WDFY4: variants seen among roughly 807,000 people sequenced by gnomAD.
WDFY4 encodes WD repeat- and FYVE domain-containing protein 4.
WDFY4 carries 169 observed loss-of-function variants against 351.9 expected under a neutral mutation model. The observed-to-expected ratio is 0.48, with a 90% CI of 0.42 to 0.55. The LOEUF (loss-of-function observed/expected upper bound fraction) is 0.55, where lower values mean the gene tolerates loss of function less well. Ranked by LOEUF, WDFY4 falls within the 20% of genes least tolerant of loss-of-function variation. The pLI is 0.00. For synonymous variants in WDFY4, 1,622 were observed against 1,574.6 expected (o/e 1.03, Z -0.71); for missense variants, 3,803 against 3,935.6 (o/e 0.97, Z 0.90).
chr10:48,962,737 T>C (rs759647183), intron 53 of WDFY4, among the ~76,000 whole-genome samples: 11 of 152,218 alleles, frequency 7.2e-5, no homozygotes, highest in Non-Finnish European at 1.3e-4. Context: ...GGTTTACTTC[T>C]CACTTAAAGG....
chr10:48,889,585 T>C (rs987190007), intron 43 of WDFY4, among the ~76,000 whole-genome samples: 1 of 152,198 alleles, frequency 6.6e-6, no homozygotes, highest in Admixed American at 6.5e-5. Context: ...GGCCTCGGCC[T>C]TATTCTTGGT....
chr10:48,899,845 C>G (rs1387125946), intron 45 of WDFY4, among the ~76,000 whole-genome samples: 1 of 152,144 alleles, frequency 6.6e-6, no homozygotes, highest in African/African-American at 2.4e-5. Context: ...ACGCACTGAA[C>G]TAGATTCCCT....
rs376944376 is a variant in WDFY4 at position 48,725,963 on chromosome 10, C to T, written c.674C>T (p.Thr225Met). ...GAGCTGCAGTCTCTGCTGATTGCCA[C>T]GACCTGCCTTCGGGAGCACAGCTGC... ...GSELQSLLIATTCLREHSCCF... is the reference protein window; with the variant it reads ...GSELQSLLIAMTCLREHSCCF... The change falls in exon 6 of 62, where the codon ACG (threonine) becomes ATG (methionine). Residue 225 changes from threonine (T) to methionine (M), a missense_variant. Around this residue, in one of 3 missense-constraint regions of WDFY4, gnomAD observed 488 missense variants for 456.8 expected, o/e 1.07. Coordinates refer to ENST00000325239, the MANE Select transcript of WDFY4 (RefSeq NM_001394531.1). The T allele has an allele frequency of 5.2e-5, 80 of 1,551,752 alleles. No individual in the cohort carries two copies. The highest frequency in any genetic ancestry group is 2.9e-4 in the South Asian group (24 of 84,062).
Position 48,890,781 on chromosome 10 carries a change from C to T in WDFY4, c.7316+54C>T, listed in dbSNP as rs1249766927. On this transcript the variant is annotated intron_variant, in intron 44 of 61. Transcript: ENST00000325239. ...CTTCCCTGAGCCCCATTCATCCTTA[C>T]CAGCCGCCCCCACTATTCCCCTTCT... The T allele has an allele frequency of 5.8e-6, 9 of 1,545,248 alleles. No individual in the cohort carries two copies. The South Asian group carries it at 7.2e-5, about 12-fold the overall frequency.
intron 6 of WDFY4, among the ~76,000 whole-genome samples, chr10:48,726,306 G>A (rs2064266309): frequency 1.3e-5 from 2 of 152,226 alleles, no homozygotes; most frequent in Admixed American, 1.3e-4. Context: ...CTCCATTGGA[G>A]AAAGCAGGGA....
intron 1 of WDFY4, among the ~76,000 whole-genome samples, chr10:48,703,008 G>C (rs1412776677): frequency 1.3e-5 from 2 of 152,298 alleles, no homozygotes; most frequent in East Asian, 3.9e-4. Context: ...AGTGTCAGCT[G>C]TGCAGGTAGA....
At position 48,974,921 on chromosome 10, in the gene WDFY4, C is replaced by T; in HGVS notation, c.8988C>T (p.Leu2996=). 1 of 1,551,620 alleles carries T rather than the reference C, an allele frequency of 6.4e-7. No individual in the cohort carries two copies. Among genetic ancestry groups the T allele is most frequent in the Non-Finnish European group, 8.7e-7 (1 of 1,146,974 alleles). ...TCLAASVTFS[L]LVSGSQDCTC... is the part of the protein sequence containing the mutation. ...TGGCAGCGTCAGTCACCTTCAGCCT[C>T]CTGGTGAGCGGCTCCCAGGACTGCA... Residue 2996 remains leucine (L), a synonymous_variant, in exon 58 of 62, where the codon CTC becomes CTT. Coordinates refer to ENST00000325239, the MANE Select transcript of WDFY4 (RefSeq NM_001394531.1).
chr10:48,949,457 T>C (rs1208337431), intron 51 of WDFY4, among the ~76,000 whole-genome samples: 2 of 152,192 alleles, frequency 1.3e-5, no homozygotes, highest in Non-Finnish European at 2.9e-5. Context: ...TCCTTAAGAA[T>C]ATTCTGGCAT....
Position 48,921,108 on chromosome 10 carries a change from T to C in WDFY4, c.7586+19245T>C, listed in dbSNP as rs143500783. On this transcript the variant is annotated intron_variant, in intron 47 of 61. Coordinates refer to ENST00000325239, the MANE Select transcript of WDFY4 (RefSeq NM_001394531.1). The stretch of plus-strand genomic sequence containing the variant: ...AAATTACAGGAGGATTATTTACATA[T>C]ATGGATGAATAGATTTTAAAACTTA... Among the ~76,000 whole-genome samples the C allele has an allele frequency of 9.1e-4, 139 of 152,286 alleles. 2 individuals are homozygous for C. The East Asian group carries it at 0.024, about 26-fold the overall frequency.
intron 37 of WDFY4, among the ~76,000 whole-genome samples, chr10:48,830,331 A>G (rs1260567376): frequency 2.6e-5 from 4 of 152,138 alleles, no homozygotes; most frequent in Admixed American, 2.0e-4. Context: ...GAGTGGAGCT[A>G]TTTGACTACC....
intron 12 of WDFY4, among the ~76,000 whole-genome samples, chr10:48,756,400 A>C (rs2065337659): frequency 1.2e-5 from 1 of 85,082 alleles, no homozygotes; most frequent in Admixed American, 1.3e-4. Flanking sequence ...TAGTTCTAGA[A>C]GTTTTTTTTT....
chr10:48,917,880 A>C (rs942677744), intron 47 of WDFY4, among the ~76,000 whole-genome samples: 4 of 152,194 alleles, frequency 2.6e-5, no homozygotes, highest in African/African-American at 9.7e-5. Flanking sequence ...TATGTGATCG[A>C]AAGAAAACTA....
chr10:48,870,348 C>A (rs114092531), intron 40 of WDFY4, among the ~76,000 whole-genome samples: 3,286 of 152,164 alleles, frequency 0.022, 124 homozygotes, highest in African/African-American at 0.073. Flanking sequence ...CCAGACTGGG[C>A]ATCATTGCGA....
At chr10:48,859,008 C>T (rs916930451) in intron 39 of WDFY4, among the ~76,000 whole-genome samples, 2 of 152,014 alleles carry the variant, frequency 1.3e-5, no homozygotes, top group Non-Finnish European at 2.9e-5. Flanking sequence ...GTGTTCATTG[C>T]TAATATTTTG....
chr10:48,697,454 T>A (rs2063360688), intron 1 of WDFY4, among the ~76,000 whole-genome samples: 1 of 152,216 alleles, frequency 6.6e-6, no homozygotes, highest in Non-Finnish European at 1.5e-5. Flanking sequence ...AGTCACAATG[T>A]TGGGGAACCC....
intron 22 of WDFY4, among the ~76,000 whole-genome samples, 158 bp from the exon 23 acceptor site, chr10:48,790,569 C>T (rs984127712): frequency 7.2e-5 from 11 of 152,322 alleles, no homozygotes; most frequent in Middle Eastern, 3.4e-3. Flanking sequence ...TTCAGAACCT[C>T]CTGCTCTTCC....
intron 1 of WDFY4, among the ~76,000 whole-genome samples, chr10:48,690,164 C>T (rs1328837704): frequency 6.6e-6 from 1 of 152,210 alleles, no homozygotes; most frequent in African/African-American, 2.4e-5. Flanking sequence ...TCCTTCCCCT[C>T]AGCATTGCCC....
chr10:48,897,884 G>A (rs1837165715), intron 45 of WDFY4, among the ~76,000 whole-genome samples: 1 of 152,218 alleles, frequency 6.6e-6, no homozygotes, highest in African/African-American at 2.4e-5. Flanking sequence ...GGAGATTTAG[G>A]AATACAGGGC....
intron 57 of WDFY4, among the ~76,000 whole-genome samples, chr10:48,974,519 A>AAAAACAAC (rs1554824242): frequency 2.0e-5 from 1 of 49,924 alleles, no homozygotes; most frequent in African/African-American, 7.0e-5. Context: ...AAAAAAAAAA[A>AAAAACAAC]AAAAAAAAAA....
Sources: allele counts gnomAD v4.1 joint callset (sites outside exome capture counted in the v4.1 genomes callset), GRCh38; gene constraint gnomAD v4.1.1; regional missense constraint gnomAD v4.1.1; transcripts MANE v1.5; gene names NCBI Gene and HGNC (gene_info 2026-07-23, HGNC 2026-07-21).